TCERG1L: variants seen among roughly 807,000 people sequenced by gnomAD.
TCERG1L encodes transcription elongation regulator 1 like, also known as transcription elongation regulator 1-like protein.
In TCERG1L, 37 loss-of-function variants were observed where a neutral mutation model predicts 56.3. That is an observed-to-expected ratio of 0.66 (90% CI 0.51 to 0.87). TCERG1L has a LOEUF of 0.87. Among genes scored for constraint, TCERG1L ranks in the 40% least tolerant of loss-of-function variants. The pLI is 0.00. For synonymous variants in TCERG1L, 324 were observed against 326.3 expected (o/e 0.99, Z 0.08); for missense variants, 799 against 774.2 (o/e 1.03, Z -0.38).
In TCERG1L at chr10:131,210,903, C is replaced by T. The variant is rs186493756; in HGVS notation, c.857-44018G>A. On this transcript the variant is annotated intron_variant, in intron 4 of 11. Transcript: ENST00000368642. ...ATGGCAAGCCACCGAAACAGCAAGT[C>T]ATTACTTCATGTCATCACTATTTCA... Among the ~76,000 whole-genome samples, 46 of 152,362 alleles carry T rather than the reference C, an allele frequency of 3.0e-4. 2 individuals are homozygous for T. The highest frequency in any genetic ancestry group is 2.8e-3 in the Admixed American group (43 of 15,304).
At chr10:131,279,413 G>T (rs960186052) in intron 3 of TCERG1L, among the ~76,000 whole-genome samples, 2 of 152,150 alleles carry the variant, frequency 1.3e-5, no homozygotes, top group African/African-American at 4.8e-5. Flanking sequence ...TTAGGACAGT[G>T]GATGGGTCTT....
In TCERG1L at chr10:131,260,631, A is replaced by T. The variant is rs1470468392; in HGVS notation, c.671-187T>A. Among the ~76,000 whole-genome samples the T allele has an allele frequency of 6.6e-6, 1 of 152,182 alleles. No homozygotes were observed. Among genetic ancestry groups the T allele is most frequent in the African/African-American group, 2.4e-5 (1 of 41,444 alleles). On this transcript the variant is annotated intron_variant, in intron 3 of 11. Transcript: ENST00000368642. The surrounding 1 kb of genome is among the most constrained non-coding windows in gnomAD (Gnocchi z 5.8). ...AAATGCTTCTGATGAGTTCTCCATC[A>T]GTCAAACGCTGCCATGCAACCAGTG...
In TCERG1L at chr10:131,166,572, C is replaced by G. The variant is rs187265317; in HGVS notation, c.945+225G>C. ...AAGCCAAATCCCTTCCCAACAGAGT[C>G]CCCCAGGGAGCTTCAGACCCAGATC... On this transcript the variant is annotated intron_variant, in intron 5 of 11. Transcript: ENST00000368642. Among the ~76,000 whole-genome samples the G allele has an allele frequency of 5.8e-3, 888 of 152,326 alleles. 7 individuals are homozygous for G. The highest frequency in any genetic ancestry group is 0.011 in the Non-Finnish European group (715 of 68,036).
chr10:131,267,424 C>T lies in TCERG1L; in HGVS notation c.671-6980G>A, dbSNP rs1846298577. On this transcript the variant is annotated intron_variant, in intron 3 of 11. Coordinates refer to ENST00000368642, the MANE Select transcript of TCERG1L (RefSeq NM_174937.4). This position sits in a 1 kb window ranked among gnomAD's most constrained non-coding sequence, Gnocchi z 4.9. ...GGGAGGCCCAGGCCCACAGCTGCAA[C>T]CTGGGTGGCTGCAACTGAGCCTCGG... Among the ~76,000 whole-genome samples, 3 of 152,224 alleles carry T rather than the reference C, an allele frequency of 2.0e-5. No individual in the cohort carries two copies. In the South Asian group the frequency reaches 6.2e-4, roughly 31 times the overall value.
chr10:131,194,096 G>A (rs549061316), intron 4 of TCERG1L, among the ~76,000 whole-genome samples: 1 of 152,210 alleles, frequency 6.6e-6, no homozygotes, highest in Non-Finnish European at 1.5e-5. Flanking sequence ...CCGGCACTCC[G>A]GCCACACCAC....
At chr10:131,179,821 G>A (rs1845151421) in intron 4 of TCERG1L, among the ~76,000 whole-genome samples, 1 of 152,208 alleles carries the variant, frequency 6.6e-6, no homozygotes, top group Non-Finnish European at 1.5e-5. Flanking sequence ...GCTCTGCGAA[G>A]TTAAGGCCCA....
At chr10:131,105,712 G>T (rs1845345895) in intron 9 of TCERG1L, among the ~76,000 whole-genome samples, 1 of 151,950 alleles carries the variant, frequency 6.6e-6, no homozygotes. Context: ...AAATGTTCCG[G>T]AGGGGGGTGG....
At chr10:131,279,486 C>G (rs1339073914) in intron 3 of TCERG1L, among the ~76,000 whole-genome samples, 2 of 152,150 alleles carry the variant, frequency 1.3e-5, no homozygotes, top group Non-Finnish European at 2.9e-5. Flanking sequence ...AAAGCCCCAG[C>G]AGGGGCCAAA....
chr10:131,114,548 A>G (rs1246772126), intron 9 of TCERG1L, among the ~76,000 whole-genome samples: 1 of 152,136 alleles, frequency 6.6e-6, no homozygotes, highest in East Asian at 1.9e-4. Flanking sequence ...TGATTCCTGT[A>G]TAATAACCTG....
At chr10:131,273,496 T>C (rs1214236069) in intron 3 of TCERG1L, among the ~76,000 whole-genome samples, 1 of 152,226 alleles carries the variant, frequency 6.6e-6, no homozygotes, top group Admixed American at 6.5e-5. Flanking sequence ...TTCTGAGGAA[T>C]GAGGCTTTGG....
intron 8 of TCERG1L, among the ~76,000 whole-genome samples, chr10:131,121,782 C>T (rs556636014): frequency 9.2e-5 from 14 of 152,208 alleles, no homozygotes; most frequent in Non-Finnish European, 1.6e-4. Context: ...CCAGCTGCAG[C>T]CCTGCAGACG....
intron 6 of TCERG1L, among the ~76,000 whole-genome samples, chr10:131,159,401 CT>C (rs1463986930): frequency 1.3e-5 from 2 of 152,226 alleles, no homozygotes; most frequent in Non-Finnish European, 2.9e-5. Context: ...CTCTGCCAAG[CT>C]CCTGCTGAGA....
intron 4 of TCERG1L, among the ~76,000 whole-genome samples, chr10:131,176,083 G>A (rs11017786): frequency 0.11 from 17,246 of 152,160 alleles, 1,842 homozygotes; most frequent in African/African-American, 0.28. Context: ...GAGCCCTCCG[G>A]GTGCTAGAGC....
chr10:131,163,241 T>G (rs1390769927), intron 5 of TCERG1L, 31 bp from the exon 6 acceptor site: 2 of 1,460,576 alleles, frequency 1.4e-6, no homozygotes, highest in South Asian at 2.8e-5. Context: ...GGGAGTGGCT[T>G]TTAATTTTAA....
rs544306147 is a variant in TCERG1L, at chr10:131,098,217, C to T, written c.1604+89G>A. 41 of 1,386,856 alleles carry T rather than the reference C, an allele frequency of 3.0e-5. No homozygotes were observed. In the East Asian group the frequency reaches 3.5e-4, roughly 12 times the overall value. The allele number at this position is 1,386,856 out of a possible 1,614,324, so 85.9% of individuals were successfully genotyped here. On this transcript the variant is annotated intron_variant, in intron 11 of 11. Coordinates refer to ENST00000368642, the MANE Select transcript of TCERG1L (RefSeq NM_174937.4). ...CGTGTCTGTGGAAGGCTGGGTTACACGATTTAACAAAAACAAACCTGAAGA... is the reference window on the plus strand; with the variant it reads ...CGTGTCTGTGGAAGGCTGGGTTACATGATTTAACAAAAACAAACCTGAAGA...
chr10:131,289,531 A>C (rs1846586416), intron 3 of TCERG1L, among the ~76,000 whole-genome samples: 1 of 56,178 alleles, frequency 1.8e-5, no homozygotes, highest in African/African-American at 4.7e-5. Flanking sequence ...TCCATCTCCT[A>C]TCGGTGTGTA....
chr10:131,153,557 T>G (rs1845887911), intron 6 of TCERG1L, among the ~76,000 whole-genome samples: 1 of 152,184 alleles, frequency 6.6e-6, no homozygotes, highest in African/African-American at 2.4e-5. Context: ...GCTTTGCTAT[T>G]AACTTAAGAA....
chr10:131,173,047 C>T (rs994254673), intron 4 of TCERG1L, among the ~76,000 whole-genome samples: 4 of 151,962 alleles, frequency 2.6e-5, no homozygotes, highest in Non-Finnish European at 1.5e-5. Context: ...CCCGCCACCA[C>T]GCCCAGCTAA....
At chr10:131,258,486 C>G (rs1009244063) in intron 4 of TCERG1L, among the ~76,000 whole-genome samples, 1 of 152,184 alleles carries the variant, frequency 6.6e-6, no homozygotes, top group Admixed American at 6.5e-5. Context: ...ACCCATGAAG[C>G]CTGGGTTGGG....
Sources: allele counts gnomAD v4.1 joint callset (sites outside exome capture counted in the v4.1 genomes callset), GRCh38; gene constraint gnomAD v4.1.1; non-coding constraint Gnocchi (gnomAD v3.1); transcripts MANE v1.5; gene names NCBI Gene and HGNC (gene_info 2026-07-23, HGNC 2026-07-21).